The following PTPRK variants were observed in gnomAD, a reference collection of about 807,000 sequenced individuals.
PTPRK encodes the protein receptor-type tyrosine-protein phosphatase kappa.
A neutral mutation model predicts 178.0 loss-of-function variants in PTPRK; 75 were observed. The observed-to-expected ratio is 0.42, with a 90% confidence interval of 0.35 to 0.51. PTPRK has a LOEUF of 0.51. PTPRK is among the 20% of genes least tolerant of loss of function. PTPRK has a pLI of 0.02. For synonymous variants in PTPRK, 637 were observed against 620.6 expected (o/e 1.03, Z -0.39); for missense variants, 1,441 against 1,797.8 (o/e 0.80, Z 3.59).
chr6:128,117,919 G>A (rs1791818944), intron 7 of PTPRK, among the ~76,000 whole-genome samples: 1 of 152,016 alleles, frequency 6.6e-6, no homozygotes, highest in East Asian at 1.9e-4. Flanking sequence ...AAAGTGTTGG[G>A]GTTACAGGCT....
intron 13 of PTPRK, among the ~76,000 whole-genome samples, chr6:128,015,076 T>C (rs1177479262): frequency 1.3e-5 from 2 of 151,768 alleles, no homozygotes; most frequent in African/African-American, 4.8e-5. Flanking sequence ...TACAGATTAA[T>C]ACTGCAGATA....
At chr6:128,000,137 C>T in intron 15 of PTPRK, 1 of 997,336 alleles carries the variant, frequency 1.0e-6, no homozygotes, top group East Asian at 9.6e-5. Context: ...TACCGTCATA[C>T]TCATTAACAG....
intron 13 of PTPRK, among the ~76,000 whole-genome samples, chr6:128,060,879 A>C (rs1230871471): frequency 6.6e-6 from 1 of 152,184 alleles, no homozygotes; most frequent in Non-Finnish European, 1.5e-5. Context: ...TTATTTAATA[A>C]ATTTGTCTTA....
chr6:128,463,159 A>C (rs1376739239), intron 1 of PTPRK, among the ~76,000 whole-genome samples: 2 of 152,186 alleles, frequency 1.3e-5, no homozygotes, highest in South Asian at 4.1e-4. Flanking sequence ...AAAACTGTAC[A>C]TTAGAAAGTG....
At chr6:128,112,666 A>G (rs1790861818) in intron 7 of PTPRK, among the ~76,000 whole-genome samples, 1 of 152,120 alleles carries the variant, frequency 6.6e-6, no homozygotes, top group Admixed American at 6.6e-5. Context: ...TTCAAAACAC[A>G]ACAGACAAAT....
chr6:128,341,141 T>C lies in PTPRK; in HGVS notation c.224-18831A>G, dbSNP rs115182853. ...TATGTGTTATTTGCCACATTTGATTTTTTTTCTATATGTACTCTAAAATGT... is the reference window on the plus strand; with the variant it reads ...TATGTGTTATTTGCCACATTTGATTCTTTTTCTATATGTACTCTAAAATGT... On this transcript the variant is annotated intron_variant, in intron 2 of 29. Transcript: ENST00000368226. 2.3e-3 allele frequency among the ~76,000 whole-genome samples: 349 copies of C among 152,290 alleles called. 2 individuals carry two copies. Among genetic ancestry groups the C allele is most frequent in the African/African-American group, 8.0e-3 (331 of 41,572 alleles).
rs143873808 is a variant in PTPRK at position 128,376,472 on chromosome 6, C to T, written c.223+21094G>A. Among the ~76,000 whole-genome samples the T allele has an allele frequency of 1.1e-3, 172 of 152,192 alleles. 1 individual carries two copies. In the East Asian group the frequency reaches 0.024, roughly 21 times the overall value. On this transcript the variant is annotated intron_variant, in intron 2 of 29. Coordinates refer to ENST00000368226, the MANE Select transcript of PTPRK (RefSeq NM_002844.4). The stretch of plus-strand genomic sequence containing the variant: ...GCACAGAGCAGGGAAGCCTTGGGTC[C>T]GACTCACAAAACCATCTTTTTCTCC...
At chr6:128,122,033 T>A (rs1330004870) in intron 7 of PTPRK, among the ~76,000 whole-genome samples, 2 of 152,130 alleles carry the variant, frequency 1.3e-5, no homozygotes, top group Admixed American at 6.5e-5. Context: ...TGGCCAGGAA[T>A]ATGAATATAT....
intron 4 of PTPRK, among the ~76,000 whole-genome samples, chr6:128,241,035 T>C (rs1406975660): frequency 6.6e-6 from 1 of 152,164 alleles, no homozygotes; most frequent in Non-Finnish European, 1.5e-5. Context: ...ACACCTATCA[T>C]TCAAGAAGTG....
chr6:128,062,228 T>C (rs989357148), intron 13 of PTPRK: 1 of 165,878 alleles, frequency 6.0e-6, no homozygotes, highest in Admixed American at 6.5e-5. Context: ...TTTTTTCCTT[T>C]TGAGACATAG....
At chr6:128,202,364 G>A (rs1281195173) in intron 6 of PTPRK, among the ~76,000 whole-genome samples, 1 of 152,190 alleles carries the variant, frequency 6.6e-6, no homozygotes, top group African/African-American at 2.4e-5. Context: ...TGTAAGTTCA[G>A]GCTACTAGGG....
intron 1 of PTPRK, among the ~76,000 whole-genome samples, chr6:128,483,463 C>G (rs1451399153): frequency 6.6e-6 from 1 of 151,888 alleles, no homozygotes; most frequent in Non-Finnish European, 1.5e-5. Flanking sequence ...TTTTTCATTT[C>G]CTTTTCATCT....
At chr6:128,230,212 T>C (rs1164499119) in intron 5 of PTPRK, among the ~76,000 whole-genome samples, 2 of 152,184 alleles carry the variant, frequency 1.3e-5, no homozygotes, top group East Asian at 1.9e-4. Context: ...GGCATTAGTA[T>C]GCAATCAGCA....
chr6:127,986,002 C>T (rs554984322), intron 21 of PTPRK, 127 bp from the exon 22 acceptor site: 3 of 845,860 alleles, frequency 3.5e-6, no homozygotes, highest in Admixed American at 3.6e-5. Context: ...AAAGACTATG[C>T]CTTTTCTTAA....
At chr6:128,184,214 CATA>C (rs1311600866) in intron 7 of PTPRK, among the ~76,000 whole-genome samples, 1 of 152,100 alleles carries the variant, frequency 6.6e-6, no homozygotes, top group Admixed American at 6.6e-5. Context: ...ACTCTAGATT[CATA>C]ATAATAATGG....
At chr6:128,273,216 G>A (rs906381436) in intron 3 of PTPRK, among the ~76,000 whole-genome samples, 9 of 152,076 alleles carry the variant, frequency 5.9e-5, no homozygotes, top group African/African-American at 9.6e-5. Flanking sequence ...TCGCGGGGTC[G>A]GGGGAGTGGG....
intron 1 of PTPRK, among the ~76,000 whole-genome samples, chr6:128,479,112 A>G (rs1228723055): frequency 6.6e-6 from 1 of 152,102 alleles, no homozygotes; most frequent in Non-Finnish European, 1.5e-5. Flanking sequence ...AGTTGAAAAA[A>G]GGGTGCTTAA....
chr6:128,086,420 T>C (rs889655546), intron 8 of PTPRK, among the ~76,000 whole-genome samples: 3 of 152,154 alleles, frequency 2.0e-5, no homozygotes, highest in Admixed American at 1.3e-4. Flanking sequence ...ATTCTGTTCG[T>C]CCATTAAAAA....
intron 28 of PTPRK, 95 bp downstream of exon 28, chr6:127,973,569 G>C: frequency 7.2e-7 from 1 of 1,384,260 alleles, no homozygotes; most frequent in South Asian, 1.4e-5. Context: ...ATCTATGGGA[G>C]GTCCATAAGA....
Sources: gnomAD v4.1 joint callset for allele counts (sites outside exome capture counted in the v4.1 genomes callset) on GRCh38, gnomAD v4.1.1 for gene constraint, MANE v1.5 for transcripts, NCBI Gene and HGNC (gene_info 2026-07-23, HGNC 2026-07-21) for gene names.